The following BRINP3 variants were observed in gnomAD, a reference collection of about 807,000 sequenced individuals.
The protein encoded by BRINP3 is BMP/retinoic acid-inducible neural-specific protein 3.
BRINP3 carries 19 observed loss-of-function variants against 71.0 expected under a neutral mutation model. That is an observed-to-expected ratio of 0.27 (90% CI 0.19 to 0.39). BRINP3 has a LOEUF of 0.39. Among genes scored for constraint, BRINP3 ranks in the 10% least tolerant of loss-of-function variants. The pLI, the probability that BRINP3 is intolerant of heterozygous loss-of-function variation, is 1.00. For synonymous variants in BRINP3, 380 were observed against 337.7 expected (o/e 1.13, Z -1.37); for missense variants, 959 against 940.8 (o/e 1.02, Z -0.25).
chr1:190,356,520 C>G (rs1293107901), intron 2 of BRINP3, among the ~76,000 whole-genome samples: 1 of 151,870 alleles, frequency 6.6e-6, no homozygotes, highest in Non-Finnish European at 1.5e-5. Context: ...TAAAATAAGA[C>G]ATTTCTCCAA....
intron 2 of BRINP3, among the ~76,000 whole-genome samples, chr1:190,296,737 A>T (rs961575797): frequency 4.6e-5 from 7 of 152,150 alleles, no homozygotes; most frequent in Non-Finnish European, 7.4e-5. Flanking sequence ...TACAAAAATC[A>T]GTACCATTCC....
At chr1:190,278,958 T>G (rs988824455) in intron 3 of BRINP3, among the ~76,000 whole-genome samples, 1 of 151,694 alleles carries the variant, frequency 6.6e-6, no homozygotes, top group Non-Finnish European at 1.5e-5. Flanking sequence ...AAAGTCACCA[T>G]AATTTTGGAA....
intron 6 of BRINP3, among the ~76,000 whole-genome samples, chr1:190,213,614 C>T (rs1355543230): frequency 1.3e-5 from 2 of 151,982 alleles, no homozygotes; most frequent in Non-Finnish European, 2.9e-5. Context: ...ACGTGGTTGG[C>T]TTTCATGCCC....
chr1:190,440,498 A>G (rs1323086827), intron 2 of BRINP3, among the ~76,000 whole-genome samples: 1 of 151,938 alleles, frequency 6.6e-6, no homozygotes, highest in Non-Finnish European at 1.5e-5. Context: ...TATCAAATAG[A>G]TTATGTCAGA....
intron 2 of BRINP3, chr1:190,362,073 C>T (rs1571861671): frequency 6.6e-6 from 1 of 152,284 alleles, no homozygotes; most frequent in Admixed American, 6.5e-5. Flanking sequence ...GTTATGAGGG[C>T]ATACAGTGAG....
chr1:190,099,246 G>C, intron 7 of BRINP3, 112 bp from the exon 8 acceptor site: 1 of 1,018,822 alleles, frequency 9.8e-7, no homozygotes, highest in Non-Finnish European at 1.4e-6. Context: ...TCTCCAGCCA[G>C]TAATTTAAAT....
chr1:190,105,799 A>C lies in BRINP3; in HGVS notation c.1185-6665T>G, dbSNP rs188733006. 2.7e-3 allele frequency among the ~76,000 whole-genome samples: 406 copies of C among 152,222 alleles called. 2 individuals are homozygous for C. Among genetic ancestry groups the C allele is most frequent in the African/African-American group, 9.4e-3 (392 of 41,560 alleles). On this transcript the variant is annotated intron_variant, in intron 7 of 7. Transcript: ENST00000367462. ...ATCTATGCAGCATAATATAGTTCAA[A>C]AAAATCAATAGATAAATCTCTCTTC...
chr1:190,426,317 G>A (rs1051731747), intron 2 of BRINP3, among the ~76,000 whole-genome samples: 1 of 151,226 alleles, frequency 6.6e-6, no homozygotes, highest in African/African-American at 2.4e-5. Context: ...AATACCCACA[G>A]ATAACAAGAG....
chr1:190,407,970 C>T (rs1341910413), intron 2 of BRINP3, among the ~76,000 whole-genome samples: 3 of 150,226 alleles, frequency 2.0e-5, no homozygotes, highest in East Asian at 2.0e-4. Context: ...TATTCCATGA[C>T]GATGTACTTT....
At chr1:190,160,578 G>T in intron 7 of BRINP3, 90 bp downstream of exon 7, 1 of 991,100 alleles carries the variant, frequency 1.0e-6, no homozygotes, top group Non-Finnish European at 1.5e-6. Flanking sequence ...ATCATGATTT[G>T]TATATTAACA....
At chr1:190,310,262 C>T (rs909090292) in intron 2 of BRINP3, among the ~76,000 whole-genome samples, 2 of 151,606 alleles carry the variant, frequency 1.3e-5, no homozygotes, top group African/African-American at 4.8e-5. Flanking sequence ...TCTGCACTTT[C>T]TTGACTTTCA....
At position 190,401,385 on chromosome 1, in the gene BRINP3, A is replaced by AC. The variant is rs1395954748; in HGVS notation, c.236+53269_236+53270insG. On this transcript the variant is annotated intron_variant, in intron 2 of 7. Coordinates refer to ENST00000367462, the MANE Select transcript of BRINP3 (RefSeq NM_199051.3). ...AGTCCCCATCTCAAAACAAAAAAAAAAAAAAAAAAAAAGGAAAAGAAAAGC... is the reference window on the plus strand; with the variant it reads ...AGTCCCCATCTCAAAACAAAAAAAAACAAAAAAAAAAAAGGAAAAGAAAAGC... Among the ~76,000 whole-genome samples the AC allele has an allele frequency of 3.3e-5, 5 of 151,124 alleles. 1 individual carries two copies. The South Asian group carries it at 6.2e-4, about 19-fold the overall frequency.
intron 2 of BRINP3, among the ~76,000 whole-genome samples, chr1:190,395,390 T>A (rs1249141335): frequency 6.6e-6 from 1 of 151,680 alleles, no homozygotes; most frequent in Non-Finnish European, 1.5e-5. Flanking sequence ...GGAAAAAACT[T>A]TCTATTTAAC....
chr1:190,372,017 C>T (rs1669900618), intron 2 of BRINP3, among the ~76,000 whole-genome samples: 1 of 152,106 alleles, frequency 6.6e-6, no homozygotes, highest in Non-Finnish European at 1.5e-5. Context: ...AAAATAGCTA[C>T]TGGTTTTTCA....
intron 6 of BRINP3, among the ~76,000 whole-genome samples, chr1:190,190,795 A>G (rs1332421243): frequency 6.6e-6 from 1 of 152,090 alleles, no homozygotes; most frequent in Non-Finnish European, 1.5e-5. Flanking sequence ...AATATTACAT[A>G]CCTATATATT....
At chr1:190,293,660 C>G (rs2102974580) in intron 2 of BRINP3, among the ~76,000 whole-genome samples, 1 of 152,188 alleles carries the variant, frequency 6.6e-6, no homozygotes, top group East Asian at 1.9e-4. Flanking sequence ...GTATCTTTCC[C>G]TTGAGATCTA....
At chr1:190,447,620 C>G (rs12049541) in intron 2 of BRINP3, among the ~76,000 whole-genome samples, 1 of 146,130 alleles carries the variant, frequency 6.8e-6, no homozygotes, top group Admixed American at 6.9e-5. Flanking sequence ...CTCTCTCTCT[C>G]TCTATATATA....
At chr1:190,130,422 C>T (rs1323705528) in intron 7 of BRINP3, among the ~76,000 whole-genome samples, 1 of 151,952 alleles carries the variant, frequency 6.6e-6, no homozygotes, top group Non-Finnish European at 1.5e-5. Flanking sequence ...AACTTTTTCG[C>T]TGATTTCATT....
chr1:190,402,789 T>C (rs1672014952), intron 2 of BRINP3, among the ~76,000 whole-genome samples: 1 of 152,196 alleles, frequency 6.6e-6, no homozygotes, highest in Non-Finnish European at 1.5e-5. Context: ...TGGAGTGCCA[T>C]GGTGCCATCA....
Sources: gnomAD v4.1 joint callset for allele counts (sites outside exome capture counted in the v4.1 genomes callset) on GRCh38, gnomAD v4.1.1 for gene constraint, MANE v1.5 for transcripts, NCBI Gene and HGNC (gene_info 2026-07-23, HGNC 2026-07-21) for gene names.